FGF13: variants seen among roughly 807,000 people sequenced by gnomAD.
FGF13 encodes fibroblast growth factor homologous factor 2.
Under a neutral mutation model 19.5 loss-of-function variants are expected in FGF13, and 2 were observed. The observed-to-expected ratio is 0.10, with a 90% CI of 0.04 to 0.32. FGF13 has a LOEUF of 0.32. Among genes scored for constraint, FGF13 ranks in the 10% least tolerant of loss-of-function variants. The probability of loss-of-function intolerance (pLI) is 1.00; values close to 1 mark genes in which losing one functional copy is unlikely to be tolerated. For synonymous variants in FGF13, 72 were observed against 76.9 expected, an observed-to-expected ratio of 0.94 and a Z score of 0.33; for missense variants, 113 against 192.7, an observed-to-expected ratio of 0.59 and a Z score of 2.45.
At chrX:138,695,075 C>A (rs1266859069) in intron 3 of FGF13, among the ~76,000 whole-genome samples, 1 of 107,566 alleles carries the variant, frequency 9.3e-6, no homozygotes, top group Non-Finnish European at 1.9e-5. Flanking sequence ...AATGAGAAAA[C>A]ACCTTGATTT....
At chrX:139,090,809 T>A (rs967450227) in intron 1 of FGF13, among the ~76,000 whole-genome samples, 2 of 109,157 alleles carry the variant, frequency 1.8e-5, no homozygotes, top group African/African-American at 6.7e-5. Flanking sequence ...GGTGTGCTAG[T>A]GCACGGCTGC....
intron 3 of FGF13, among the ~76,000 whole-genome samples, chrX:138,775,189 C>T (rs924132869): frequency 8.9e-5 from 10 of 112,191 alleles, no homozygotes; most frequent in African/African-American, 3.2e-4. Flanking sequence ...GAACTTCTGA[C>T]CTCAAGTGAT....
chrX:138,933,339 C>T, intron 1 of FGF13, among the ~76,000 whole-genome samples: 1 of 111,808 alleles, frequency 8.9e-6, no homozygotes, highest in Non-Finnish European at 1.9e-5. Context: ...GGAAGATTCC[C>T]TAAGATATTT....
intron 1 of FGF13, among the ~76,000 whole-genome samples, chrX:138,929,676 C>T (rs989321245): frequency 9.0e-6 from 1 of 111,213 alleles, no homozygotes; most frequent in Admixed American, 9.6e-5. Context: ...GAATCCCTGT[C>T]CCTTGTGCCT....
At chrX:138,812,049 T>C (rs1365068993) in intron 3 of FGF13, among the ~76,000 whole-genome samples, 1 of 109,713 alleles carries the variant, frequency 9.1e-6, no homozygotes, top group African/African-American at 3.3e-5. Flanking sequence ...AGAAACCCCA[T>C]ACCCATTAGC....
intron 1 of FGF13, among the ~76,000 whole-genome samples, chrX:139,101,815 A>T (rs1394313241): frequency 8.9e-6 from 1 of 112,103 alleles, no homozygotes; most frequent in Non-Finnish European, 1.9e-5. Context: ...TCCTTCTAAC[A>T]GCTGTCCCAA....
chrX:138,972,352 C>A (rs1313288630), intron 1 of FGF13, among the ~76,000 whole-genome samples: 4 of 64,906 alleles, frequency 6.2e-5, no homozygotes, highest in Non-Finnish European at 1.2e-4. Flanking sequence ...ACATCTTCAC[C>A]AGAATTTTTT....
intron 1 of FGF13, among the ~76,000 whole-genome samples, chrX:139,174,108 A>T (rs1255637861): frequency 8.9e-6 from 1 of 112,104 alleles, no homozygotes; most frequent in Non-Finnish European, 1.9e-5. Flanking sequence ...CTGGCATGAG[A>T]TGGTATCTCA....
At chrX:138,894,564 ATGGATAAATTCC>A in intron 1 of FGF13, among the ~76,000 whole-genome samples, 1 of 111,690 alleles carries the variant, frequency 9.0e-6, no homozygotes, top group East Asian at 2.8e-4. Flanking sequence ...TCCAGAAGAA[ATGGATAAATTCC>A]TGGACACATA....
chrX:139,182,310 T>C (rs778457718), intron 1 of FGF13, among the ~76,000 whole-genome samples: 56 of 112,056 alleles, frequency 5.0e-4, no homozygotes, highest in Non-Finnish European at 6.4e-4. Context: ...GGTAGTACCC[T>C]GGATTAAATA....
chrX:138,988,414 T>A (rs1483400336), intron 1 of FGF13, among the ~76,000 whole-genome samples: 1 of 112,539 alleles, frequency 8.9e-6, no homozygotes, highest in Non-Finnish European at 1.9e-5. Flanking sequence ...CTATGCTATA[T>A]AATGATGAGC....
In FGF13 at chrX:138,917,905, AG is replaced by A. The variant is rs2091625510; in HGVS notation, c.-112-53256del. 2.7e-5 allele frequency among the ~76,000 whole-genome samples: 3 copies of A among 111,375 alleles called. No individual in the cohort carries two copies. In the Admixed American group the frequency reaches 2.9e-4, roughly 11 times the overall value. On this transcript the variant is annotated intron_variant, in intron 1 of 2. Coordinates refer to the FGF13 transcript ENST00000421460. ...CAGAAGCAGCAGGAATTGACTCGAA[AG>A]GAGGTTCTATTTTCCCTCACTTACC...
At chrX:139,100,157 T>C (rs1417997944) in intron 1 of FGF13, among the ~76,000 whole-genome samples, 1 of 110,216 alleles carries the variant, frequency 9.1e-6, no homozygotes, top group Non-Finnish European at 1.9e-5. Context: ...ATTGTAATAG[T>C]ATGGCATCAG....
At chrX:138,992,178 A>G (rs2092019416) in intron 1 of FGF13, among the ~76,000 whole-genome samples, 1 of 109,724 alleles carries the variant, frequency 9.1e-6, no homozygotes. Flanking sequence ...TCCCTTTTCT[A>G]TCAGGTTTTT....
At chrX:138,820,705 C>T (rs1234355405) in intron 3 of FGF13, among the ~76,000 whole-genome samples, 1 of 111,790 alleles carries the variant, frequency 8.9e-6, no homozygotes, top group African/African-American at 3.3e-5. Context: ...TTGAGAGATA[C>T]ATGGGAAAGT....
chrX:139,023,720 G>T (rs1603134974), intron 1 of FGF13, among the ~76,000 whole-genome samples: 1 of 111,000 alleles, frequency 9.0e-6, no homozygotes, highest in East Asian at 2.9e-4. Flanking sequence ...TGCGGTAGAA[G>T]ATTATTGATG....
At chrX:138,645,876 A>G (rs2089301835) in intron 3 of FGF13, among the ~76,000 whole-genome samples, 1 of 112,101 alleles carries the variant, frequency 8.9e-6, no homozygotes, top group African/African-American at 3.2e-5. Flanking sequence ...TAGAATTACT[A>G]TAATGTGTAT....
At chrX:138,832,071 T>C (rs1442043593) in intron 3 of FGF13, among the ~76,000 whole-genome samples, 1 of 112,398 alleles carries the variant, frequency 8.9e-6, no homozygotes, top group African/African-American at 3.2e-5. Context: ...ATTTTCTTTA[T>C]CCAGTCTATC....
At chrX:138,979,650 T>C (rs1405973469) in intron 1 of FGF13, among the ~76,000 whole-genome samples, 2 of 110,711 alleles carry the variant, frequency 1.8e-5, no homozygotes, top group African/African-American at 6.6e-5. Context: ...CAAGATCCTC[T>C]GGGGTACCAA....
Sources: allele counts gnomAD v4.1 joint callset (sites outside exome capture counted in the v4.1 genomes callset), GRCh38; gene constraint gnomAD v4.1.1; transcripts MANE v1.5; gene names NCBI Gene and HGNC (gene_info 2026-07-23, HGNC 2026-07-21).